Variants in SLC4A1AP observed in about 807,000 individuals in gnomAD.
The protein encoded by SLC4A1AP is solute carrier family 4 member 1 adaptor protein.
Under a neutral mutation model 89.7 loss-of-function variants are expected in SLC4A1AP, and 64 were observed. That is an observed-to-expected ratio of 0.71 (90% CI 0.58 to 0.88). SLC4A1AP has a LOEUF of 0.88. Among genes scored for constraint, SLC4A1AP ranks in the 40% least tolerant of loss-of-function variants. SLC4A1AP has a pLI of 0.00. For missense variants in SLC4A1AP, 931 were observed against 965.0 expected, an observed-to-expected ratio of 0.96 and a Z score of 0.47; for synonymous variants, 366 against 353.3, an observed-to-expected ratio of 1.04 and a Z score of -0.40.
intron 13 of SLC4A1AP, among the ~76,000 whole-genome samples, chr2:27,694,155 A>C (rs1423483422): frequency 6.6e-6 from 1 of 152,176 alleles, no homozygotes; most frequent in Non-Finnish European, 1.5e-5. Context: ...TCCTCACAAG[A>C]CAACCAATTG....
At position 27,667,039 on chromosome 2, in the gene SLC4A1AP, T is replaced by C. The variant is rs529798527; in HGVS notation, c.1022-229T>C. On this transcript the variant is annotated intron_variant, in intron 2 of 13. Transcript: ENST00000613058. The stretch of plus-strand genomic sequence containing the variant: ...CCCGCCACTGTGCCCAGCTAATTTT[T>C]TTTGTATTTTTAGTAGAGATGGGGT... 1.1e-4 allele frequency among the ~76,000 whole-genome samples: 17 copies of C among 152,066 alleles called. No homozygotes were observed. The South Asian group carries it at 1.2e-3, about 11-fold the overall frequency.
intron 6 of SLC4A1AP, among the ~76,000 whole-genome samples, chr2:27,676,620 G>A (rs145857999): frequency 0.024 from 3,642 of 151,572 alleles, 149 homozygotes; most frequent in African/African-American, 0.084. Flanking sequence ...TCAGGAGTTC[G>A]AGACCCACCT....
At chr2:27,668,782 T>C in intron 3 of SLC4A1AP, 61 bp from the exon 4 acceptor site, 11 of 1,417,336 alleles carry the variant, frequency 7.8e-6, no homozygotes, top group Non-Finnish European at 1.1e-5. Context: ...TCATTTATCA[T>C]TGTATCAACT....
intron 2 of SLC4A1AP, among the ~76,000 whole-genome samples, chr2:27,666,912 G>C (rs1675338705): frequency 6.7e-6 from 1 of 150,200 alleles, no homozygotes; most frequent in Admixed American, 6.6e-5. Flanking sequence ...TGTTGCTTGG[G>C]TTGGAGTGCA....
Position 27,670,716 on chromosome 2 carries a change from T to C in SLC4A1AP, c.1345+1329T>C, listed in dbSNP as rs537520026. Among the ~76,000 whole-genome samples the C allele has an allele frequency of 2.5e-4, 37 of 150,036 alleles. No individual in the cohort carries two copies. In the South Asian group the frequency reaches 3.4e-3, roughly 14 times the overall value. ...CCAAAAATACAAAAAAAAAAATCAG[T>C]TGGGTGTGGTGGCAGGTGCCTGTAG... On this transcript the variant is annotated intron_variant, in intron 5 of 13. Transcript: ENST00000613058.
chr2:27,683,157 C>T (rs1675647628), intron 9 of SLC4A1AP, among the ~76,000 whole-genome samples: 1 of 152,218 alleles, frequency 6.6e-6, no homozygotes, highest in East Asian at 1.9e-4. Context: ...TACCAGATCA[C>T]ACCAGCGTTA....
At chr2:27,672,553 CCTCT>C (rs1255275437) in intron 5 of SLC4A1AP, among the ~76,000 whole-genome samples, 1 of 152,022 alleles carries the variant, frequency 6.6e-6, no homozygotes, top group African/African-American at 2.4e-5. Context: ...GTAAATATCT[CCTCT>C]CTGTTTTCTC....
intron 8 of SLC4A1AP, among the ~76,000 whole-genome samples, chr2:27,678,633 C>T (rs189289509): frequency 1.3e-5 from 2 of 151,908 alleles, no homozygotes; most frequent in East Asian, 3.9e-4. Flanking sequence ...TCACAGGCCA[C>T]AGGAAAAGAA....
chr2:27,677,636 C>T (rs940763969), intron 7 of SLC4A1AP, 102 bp from the exon 8 acceptor site: 15 of 945,980 alleles, frequency 1.6e-5, no homozygotes, highest in African/African-American at 1.5e-4. Context: ...GTGATGTCCT[C>T]TGTCCGGTTT....
intron 3 of SLC4A1AP, 93 bp from the exon 4 acceptor site, chr2:27,668,750 T>C: frequency 8.4e-7 from 1 of 1,191,574 alleles, no homozygotes; most frequent in Non-Finnish European, 1.2e-6. Context: ...GCTAGGAACT[T>C]GTTCGTATTT....
At chr2:27,693,661 A>G in intron 12 of SLC4A1AP, 24 bp from the exon 13 acceptor site, 1 of 1,567,322 alleles carries the variant, frequency 6.4e-7, no homozygotes, top group Non-Finnish European at 8.7e-7. Context: ...CTTGTGAATA[A>G]AACAATCCAT....
At chr2:27,669,166 T>G in intron 4 of SLC4A1AP, 82 bp from the exon 5 acceptor site, 1 of 1,393,738 alleles carries the variant, frequency 7.2e-7, no homozygotes, top group Non-Finnish European at 9.7e-7. Context: ...AAAAAAAAAA[T>G]GACTATTATC....
At chr2:27,675,572 C>T in exon 6 of SLC4A1AP, 1 of 1,606,144 alleles carries the variant, frequency 6.2e-7, no homozygotes, top group Non-Finnish European at 8.5e-7. Context: ...AAGATGAAGA[C>T]TTTTATGATA....
At chr2:27,686,502 C>T (rs748387997) in intron 10 of SLC4A1AP, among the ~76,000 whole-genome samples, 6 of 152,184 alleles carry the variant, frequency 3.9e-5, no homozygotes, top group Non-Finnish European at 8.8e-5. Context: ...CAGTGGCTCA[C>T]GCCTGTAATC....
intron 2 of SLC4A1AP, among the ~76,000 whole-genome samples, chr2:27,667,034 A>AT (rs963114469): frequency 6.6e-6 from 1 of 151,296 alleles, no homozygotes; most frequent in Non-Finnish European, 1.5e-5. Flanking sequence ...TGCCCAGCTA[A>AT]TTTTTTTTGT....
At chr2:27,668,675 C>T (rs781676248) in intron 3 of SLC4A1AP, 168 bp from the exon 4 acceptor site, 23 of 717,088 alleles carry the variant, frequency 3.2e-5, no homozygotes, top group South Asian at 2.5e-4. Flanking sequence ...GTTTCGCGCT[C>T]CTTAACTCAA....
At position 27,689,757 on chromosome 2, in the gene SLC4A1AP, CAGTT is replaced by C. The variant is rs1295735234; in HGVS notation, c.2271+993_2271+996del. On this transcript the variant is annotated intron_variant, in intron 12 of 13. Coordinates refer to ENST00000613058, the Ensembl canonical transcript of SLC4A1AP. ...TTTAGGCACAATGAGCCATTCTTGT[CAGTT>C]AGGGTAGCAGAAACCTTCCCAAAGT... Among the ~76,000 whole-genome samples, 6 of 152,180 alleles carry C rather than the reference CAGTT, an allele frequency of 3.9e-5. No individual in the cohort carries two copies. In the East Asian group the frequency reaches 9.6e-4, roughly 24 times the overall value.
intron 10 of SLC4A1AP, among the ~76,000 whole-genome samples, chr2:27,685,911 T>G (rs1420537502): frequency 6.6e-6 from 1 of 152,232 alleles, no homozygotes; most frequent in Non-Finnish European, 1.5e-5. Context: ...ATGTTCATTT[T>G]AGAAACTATA....
At chr2:27,664,664 T>TC (rs1675275155) in intron 1 of SLC4A1AP, 87 bp downstream of exon 1, 2 of 1,024,068 alleles carry the variant, frequency 2.0e-6, no homozygotes, top group Non-Finnish European at 2.9e-6. Flanking sequence ...AAGAAGAATC[T>TC]CCCACTCAGC....
Sources: gnomAD v4.1 joint callset for allele counts (sites outside exome capture counted in the v4.1 genomes callset) on GRCh38, gnomAD v4.1.1 for gene constraint, MANE v1.5 for transcripts, NCBI Gene and HGNC (gene_info 2026-07-23, HGNC 2026-07-21) for gene names.